Variants in HNF4G observed in about 807,000 individuals in gnomAD.
HNF4G encodes the protein hepatocyte nuclear factor 4-gamma.
A neutral mutation model predicts 50.9 loss-of-function variants in HNF4G; 21 were observed. The observed-to-expected ratio is 0.41, with a 90% CI of 0.29 to 0.59. HNF4G has a LOEUF of 0.59. HNF4G is among the 20% of genes least tolerant of loss of function. HNF4G has a pLI of 0.26. For synonymous variants in HNF4G, 198 were observed against 185.6 expected (o/e 1.07, Z -0.54); for missense variants, 527 against 559.4 (o/e 0.94, Z 0.58).
chr8:75,463,872 T>C (rs1313433346), intron 1 of HNF4G, among the ~76,000 whole-genome samples: 1 of 151,740 alleles, frequency 6.6e-6, no homozygotes, highest in Non-Finnish European at 1.5e-5. Flanking sequence ...CCTCCTGGGT[T>C]CAAGTGATTC....
At chr8:75,429,755 C>A (rs1471840536) in intron 1 of HNF4G, among the ~76,000 whole-genome samples, 2 of 152,178 alleles carry the variant, frequency 1.3e-5, no homozygotes, top group Non-Finnish European at 2.9e-5. Flanking sequence ...AGGCTAGAAT[C>A]ATAGCATTTC....
chr8:75,501,808 C>T (rs1448287468), intron 2 of HNF4G, among the ~76,000 whole-genome samples: 1 of 148,364 alleles, frequency 6.7e-6, no homozygotes, highest in African/African-American at 2.6e-5. Context: ...TTAACATATG[C>T]ATTATCTCAC....
In HNF4G at chr8:75,555,982, G is replaced by A. The variant is rs1807108461; in HGVS notation, c.646G>A (p.Val216Met). The part of the protein sequence containing the change: ...AFCELPLDDQ[V>M]ALLRAHAGEH... ...GTTAAACTGAGAATTTTTCATTAAG[G>A]TGGCACTGTTGAGAGCTCACGCAGG... Residue 216 changes from valine to methionine, a missense_variant and splice_region_variant, in exon 6 of 10, where the codon GTG becomes ATG. By Grantham distance (21) the Val-to-Met change is conservative. Coordinates refer to ENST00000396423, the MANE Select transcript of HNF4G (RefSeq NM_004133.5). 2.0e-6 allele frequency: 3 copies of A among 1,505,202 alleles called. No individual in the cohort carries two copies. The highest frequency in any genetic ancestry group is 2.7e-6 in the Non-Finnish European group (3 of 1,114,082). The allele number at this position is 1,505,202 out of a possible 1,614,324, so 93.2% of individuals were successfully genotyped here.
At chr8:75,443,640 C>T (rs830786) in intron 1 of HNF4G, among the ~76,000 whole-genome samples, 5,583 of 152,200 alleles carry the variant, frequency 0.037, 147 homozygotes, top group Middle Eastern at 0.075. Flanking sequence ...GGATTACAGG[C>T]ATGTGCTCTG....
chr8:75,511,859 T>C (rs1000888208), intron 2 of HNF4G, among the ~76,000 whole-genome samples: 3 of 152,182 alleles, frequency 2.0e-5, no homozygotes, highest in African/African-American at 7.2e-5. Flanking sequence ...ATTACAGGCG[T>C]GAGCCACCAC....
At chr8:75,475,869 C>T (rs1431325710) in intron 1 of HNF4G, among the ~76,000 whole-genome samples, 2 of 151,972 alleles carry the variant, frequency 1.3e-5, no homozygotes, top group East Asian at 1.9e-4. Flanking sequence ...AATTTGTATG[C>T]GACAATAACG....
At chr8:75,495,230 C>T (rs559712271) in intron 2 of HNF4G, among the ~76,000 whole-genome samples, 12 of 152,300 alleles carry the variant, frequency 7.9e-5, no homozygotes, top group Admixed American at 6.5e-4. Flanking sequence ...TATTTCGTAT[C>T]ATGCAGAGTC....
chr8:75,489,671 G>T (rs1014500824), intron 1 of HNF4G, among the ~76,000 whole-genome samples: 2 of 152,190 alleles, frequency 1.3e-5, no homozygotes, highest in Non-Finnish European at 2.9e-5. Flanking sequence ...TGTACATGGG[G>T]TCATACACAC....
chr8:75,425,332 C>T (rs1473692469), intron 1 of HNF4G, among the ~76,000 whole-genome samples: 1 of 151,426 alleles, frequency 6.6e-6, no homozygotes, highest in Non-Finnish European at 1.5e-5. Context: ...GATCCTCTCG[C>T]CTTGGCTTCC....
At chr8:75,545,364 G>A (rs1392416350) in intron 2 of HNF4G, among the ~76,000 whole-genome samples, 6 of 151,926 alleles carry the variant, frequency 3.9e-5, no homozygotes, top group Admixed American at 2.6e-4. Context: ...TTTATGGGAA[G>A]AGTGGAAAAG....
upstream of HNF4G, among the ~76,000 whole-genome samples, chr8:75,535,361 T>TTTA (rs1036334063): frequency 6.6e-6 from 1 of 151,602 alleles, no homozygotes; most frequent in African/African-American, 2.4e-5. Flanking sequence ...GATTTTTTTT[T>TTTA]AATTGAGATC....
chr8:75,414,357 G>GA (rs202230198), intron 1 of HNF4G, among the ~76,000 whole-genome samples: 8 of 149,318 alleles, frequency 5.4e-5, no homozygotes, highest in South Asian at 2.1e-4. Flanking sequence ...CTTTGGGGGA[G>GA]AAAAAAAAAC....
intron 3 of HNF4G, among the ~76,000 whole-genome samples, chr8:75,550,457 C>T (rs780358981): frequency 7.9e-5 from 12 of 151,964 alleles, no homozygotes; most frequent in Admixed American, 1.3e-4. Flanking sequence ...GGACTACAAG[C>T]GTGTGCCACC....
intron 1 of HNF4G, among the ~76,000 whole-genome samples, chr8:75,417,062 C>T (rs543333268): frequency 5.3e-5 from 8 of 152,138 alleles, no homozygotes; most frequent in African/African-American, 1.9e-4. Context: ...ATATTTATTC[C>T]GATTACTGTA....
intron 2 of HNF4G, among the ~76,000 whole-genome samples, chr8:75,512,754 G>T (rs772168525): frequency 6.6e-6 from 1 of 152,144 alleles, no homozygotes; most frequent in South Asian, 2.1e-4. Flanking sequence ...GTGAGCCACC[G>T]CGCCCGGTCA....
chr8:75,510,551 A>G (rs1805724895), intron 2 of HNF4G, among the ~76,000 whole-genome samples: 1 of 152,146 alleles, frequency 6.6e-6, no homozygotes, highest in Non-Finnish European at 1.5e-5. Context: ...TTTTTAAACT[A>G]TATTTTTACT....
At chr8:75,552,482 T>C (rs1451787823) in intron 4 of HNF4G, among the ~76,000 whole-genome samples, 1 of 152,158 alleles carries the variant, frequency 6.6e-6, no homozygotes, top group South Asian at 2.1e-4. Context: ...ACAAATTTAT[T>C]ATATGTTAAG....
intron 3 of HNF4G, among the ~76,000 whole-genome samples, chr8:75,549,858 T>A (rs1166898146): frequency 1.3e-5 from 2 of 152,092 alleles, no homozygotes; most frequent in Non-Finnish European, 2.9e-5. Context: ...GAACATGTGA[T>A]GTTTGGTTTT....
intron 2 of HNF4G, among the ~76,000 whole-genome samples, chr8:75,511,109 AATT>A (rs1805738438): frequency 6.6e-6 from 1 of 152,024 alleles, no homozygotes; most frequent in South Asian, 2.1e-4. Flanking sequence ...TTGACATTAT[AATT>A]ATTATTATAT....
Sources: gnomAD v4.1 joint callset for allele counts (sites outside exome capture counted in the v4.1 genomes callset) on GRCh38, gnomAD v4.1.1 for gene constraint, MANE v1.5 for transcripts, NCBI Gene and HGNC (gene_info 2026-07-23, HGNC 2026-07-21) for gene names.